Variants in LIPE observed in about 807,000 individuals in gnomAD.
The protein encoded by LIPE is hormone-sensitive lipase.
In LIPE, 66 loss-of-function variants were observed where a neutral mutation model predicts 88.5. The ratio of observed to expected loss-of-function variants is 0.75; its 90% confidence interval spans 0.61 to 0.91. The LOEUF (loss-of-function observed/expected upper bound fraction) is 0.91. Among genes scored for constraint, LIPE ranks in the 40% least tolerant of loss-of-function variants. The pLI is 0.00. For missense variants in LIPE, 1,346 were observed against 1,434.7 expected, an observed-to-expected ratio of 0.94 and a Z score of 1.00; for synonymous variants, 570 against 617.5, an observed-to-expected ratio of 0.92 and a Z score of 1.14.
In LIPE at chr19:42,426,401, A is replaced by G. The variant is rs201538021; in HGVS notation, c.749T>C (p.Met250Thr). 8.7e-6 allele frequency: 14 copies of G among 1,613,982 alleles called. No individual in the cohort carries two copies. In the East Asian group the frequency reaches 3.1e-4, roughly 36 times the overall value. ...CACTCCCTGGGCCACCATTCCACCC[A>G]TCGTGGCTGGAGAATCTGTGTCTGA... ...SSSDTDSPAT[M>T]GGMVAQGVKL... Residue 250 changes from methionine to threonine, a missense_variant, in exon 1 of 10, where the codon ATG becomes ACG. Physicochemically the swap from Met to Thr is moderately conservative, Grantham distance 81. Coordinates refer to ENST00000244289, the MANE Select transcript of LIPE (RefSeq NM_005357.4).
intron 1 of LIPE, among the ~76,000 whole-genome samples, chr19:42,416,064 C>T (rs935069711): frequency 8.6e-5 from 13 of 151,900 alleles, no homozygotes; most frequent in Non-Finnish European, 1.8e-4. Context: ...GGGTGACGGC[C>T]GGGCATCGTG....
intron 1 of LIPE, among the ~76,000 whole-genome samples, chr19:42,412,009 G>T (rs1381192090): frequency 6.6e-6 from 1 of 152,190 alleles, no homozygotes; most frequent in Non-Finnish European, 1.5e-5. Context: ...CAGAGCTTTT[G>T]TAAACCCAGC....
intron 1 of LIPE, chr19:42,424,714 C>G (rs1313514975): frequency 2.3e-6 from 1 of 432,678 alleles, no homozygotes; most frequent in Non-Finnish European, 4.7e-6. Flanking sequence ...AGGATTAGGG[C>G]TGCGTTGGTT....
chr19:42,416,188 C>G (rs994270753), intron 1 of LIPE, among the ~76,000 whole-genome samples: 17 of 151,924 alleles, frequency 1.1e-4, no homozygotes, highest in Admixed American at 1.0e-3. Context: ...ACTTAAAATA[C>G]AAAAAAGAAG....
intron 1 of LIPE, chr19:42,424,082 A>G (rs2040659251): frequency 1.7e-6 from 2 of 1,188,880 alleles, no homozygotes; most frequent in Non-Finnish European, 1.1e-6. Context: ...GCTGTGCCTG[A>G]GAGCCGTTGG....
intron 8 of LIPE, among the ~76,000 whole-genome samples, chr19:42,404,543 T>C (rs866006570): frequency 6.6e-6 from 1 of 152,188 alleles, no homozygotes; most frequent in South Asian, 2.1e-4. Flanking sequence ...TTTGTATTTT[T>C]AATAGAGATG....
rs34023098 is a variant in LIPE, at chr19:42,408,824, T to TAA, written c.1420-504_1420-503dup. Reference sequence around the variant, plus strand: ...GGGCGACAGAGCGAGACTCTGTCTCTAAAAAAAAAAAAAGGTGAGCTCATG... The same window carrying TAA: ...GGGCGACAGAGCGAGACTCTGTCTCTAAAAAAAAAAAAAAAGGTGAGCTCATG... On this transcript the variant is annotated intron_variant, in intron 2 of 9. Coordinates refer to ENST00000244289, the MANE Select transcript of LIPE (RefSeq NM_005357.4). The surrounding 1 kb of genome is among the most constrained non-coding windows in gnomAD (Gnocchi z 4.3). Among the ~76,000 whole-genome samples, 11 of 136,858 alleles carry TAA rather than the reference T, an allele frequency of 8.0e-5. No homozygotes were observed. The highest frequency in any genetic ancestry group is 7.9e-5 in the Non-Finnish European group (5 of 63,178). The allele number at this position is 136,858 out of a possible 152,430, so 89.8% of individuals were successfully genotyped here.
Position 42,409,337 on chromosome 19 carries a change from A to C in LIPE, c.1419+970T>G, listed in dbSNP as rs977688356. On this transcript the variant is annotated intron_variant, in intron 2 of 9. Transcript: ENST00000244289. ...GAGGCCAAGGTGGGTGGATCACTTG[A>C]GGTCAGGAGTTTGAGACCAGCCTGG... Among the ~76,000 whole-genome samples, 5 of 146,492 alleles carry C rather than the reference A, an allele frequency of 3.4e-5. No homozygotes were observed. In the Admixed American group the frequency reaches 3.6e-4, roughly 10 times the overall value.
At chr19:42,422,281 A>G (rs1221658421) in intron 1 of LIPE, among the ~76,000 whole-genome samples, 1 of 152,212 alleles carries the variant, frequency 6.6e-6, no homozygotes, top group African/African-American at 2.4e-5. Flanking sequence ...GAGCTCAGAA[A>G]GCTGAGGCAG....
In LIPE at chr19:42,427,297, C is replaced by T; in HGVS notation, c.-148G>A. 38 of 1,397,738 alleles carry T rather than the reference C, an allele frequency of 2.7e-5. No homozygotes were observed. The highest frequency in any genetic ancestry group is 3.4e-5 in the Non-Finnish European group (37 of 1,076,760). 86.6% of individuals were successfully genotyped at this position (1,397,738 alleles called of 1,614,324 possible). Reference sequence around the variant, plus strand: ...CTCCATCCTAGCATCACTGGTCTTCCTTTTTAAGGCAGCTGGCAGTTGGCC... The same window carrying T: ...CTCCATCCTAGCATCACTGGTCTTCTTTTTTAAGGCAGCTGGCAGTTGGCC... On this transcript the variant is annotated 5_prime_UTR_variant, in exon 1 of 10. Transcript: ENST00000244289.
rs140484008 is a variant in LIPE, at chr19:42,405,493, C to T, written c.2434G>A (p.Asp812Asn). Residue 812 changes from aspartate to asparagine, a missense_variant, in exon 8 of 10, where the codon GAC (aspartate) becomes AAC (asparagine). Transcript: ENST00000244289. ...AAGTCTCGGAGGAGCAGGGCTGTGTCCCGCCGCACCAGCCCCATCATGCCG... is the reference window on the plus strand; with the variant it reads ...AAGTCTCGGAGGAGCAGGGCTGTGTTCCGCCGCACCAGCCCCATCATGCCG... ...ALGMMGLVRR[D>N]TALLLRDFRL... 178 of 1,614,030 alleles carry T rather than the reference C, an allele frequency of 1.1e-4. No individual in the cohort carries two copies. Among genetic ancestry groups the T allele is most frequent in the Non-Finnish European group, 1.4e-4 (170 of 1,180,014 alleles).
intron 1 of LIPE, chr19:42,424,571 C>G (rs1490065630): frequency 4.4e-6 from 2 of 456,346 alleles, no homozygotes; most frequent in South Asian, 1.5e-5. Flanking sequence ...CAAAGCATAC[C>G]CAGCAGCCCC....
intron 8 of LIPE, 73 bp from the exon 9 acceptor site, chr19:42,403,104 G>A: frequency 7.1e-7 from 1 of 1,414,828 alleles, no homozygotes; most frequent in Non-Finnish European, 9.5e-7. Flanking sequence ...GAATGCCATG[G>A]GAAGGGCAGT....
In LIPE at chr19:42,408,533, C is replaced by T. The variant is rs985953808; in HGVS notation, c.1420-211G>A. On this transcript the variant is annotated intron_variant, in intron 2 of 9. Transcript: ENST00000244289. This position sits in a 1 kb window ranked among gnomAD's most constrained non-coding sequence, Gnocchi z 4.3. ...ATCAGCAGATAAGCAAAGCCACGCG[C>T]AGTATCATGACAAGGAATGACGAAT... is the stretch of plus-strand genomic sequence containing the variant. 5.3e-6 allele frequency: 3 copies of T among 566,826 alleles called. No homozygotes were observed. The highest frequency in any genetic ancestry group is 9.5e-6 in the Non-Finnish European group (3 of 316,096). The allele number at this position is 566,826 out of a possible 1,614,324, so 35.1% of individuals were successfully genotyped here.
chr19:42,424,369 G>A (rs911865308), intron 1 of LIPE: 1 of 456,704 alleles, frequency 2.2e-6, no homozygotes, highest in Non-Finnish European at 4.4e-6. Context: ...CTTCTGGACC[G>A]CCTTGCTCAC....
At chr19:42,412,696 T>G (rs950843024) in intron 1 of LIPE, 1 of 376,508 alleles carries the variant, frequency 2.7e-6, no homozygotes, top group Non-Finnish European at 3.7e-6. Flanking sequence ...CTTCATCCTT[T>G]AGGACCCAGG....
chr19:42,418,273 G>A lies in LIPE; in HGVS notation c.884-7431C>T, dbSNP rs142133809. 7.9e-3 allele frequency among the ~76,000 whole-genome samples: 1,199 copies of A among 152,262 alleles called. 16 individuals carry two copies. The highest frequency in any genetic ancestry group is 0.027 in the African/African-American group (1,128 of 41,546). ...GCTGGGATTATAGGTGTGAGCCACCGTGCCTGGCCTGACCCCAATTTTGAA... is the reference window on the plus strand; with the variant it reads ...GCTGGGATTATAGGTGTGAGCCACCATGCCTGGCCTGACCCCAATTTTGAA... On this transcript the variant is annotated intron_variant, in intron 1 of 9. Coordinates refer to ENST00000244289, the MANE Select transcript of LIPE (RefSeq NM_005357.4).
Position 42,407,054 on chromosome 19 carries a change from G to A in LIPE, c.2137+120C>T. 1 of 879,488 alleles carries A rather than the reference G, an allele frequency of 1.1e-6. No individual in the cohort carries two copies. The highest frequency in any genetic ancestry group is 1.8e-5 in the South Asian group (1 of 55,182). 54.5% of individuals were successfully genotyped at this position (879,488 alleles called of 1,614,324 possible). On this transcript the variant is annotated intron_variant, in intron 6 of 9. Coordinates refer to ENST00000244289, the MANE Select transcript of LIPE (RefSeq NM_005357.4). The surrounding 1 kb of genome is among the most constrained non-coding windows in gnomAD (Gnocchi z 5.8). Reference sequence around the variant, plus strand: ...AGATTGGGCAGGACCTGGGTGAGCAGGAGCTGGGAGGTGTGGGGGGAGAGA... The same window carrying A: ...AGATTGGGCAGGACCTGGGTGAGCAAGAGCTGGGAGGTGTGGGGGGAGAGA...
intron 8 of LIPE, 133 bp downstream of exon 8, chr19:42,405,252 A>G: frequency 1.2e-6 from 1 of 860,072 alleles, no homozygotes; most frequent in Admixed American, 2.8e-5. Context: ...TGATCTGCCC[A>G]CCTCAGCCTC....
Sources: allele counts gnomAD v4.1 joint callset (sites outside exome capture counted in the v4.1 genomes callset), GRCh38; gene constraint gnomAD v4.1.1; non-coding constraint Gnocchi (gnomAD v3.1); transcripts MANE v1.5; gene names NCBI Gene and HGNC (gene_info 2026-07-23, HGNC 2026-07-21).